The following FILIP1L variants were observed in gnomAD, a reference collection of about 807,000 sequenced individuals.
FILIP1L encodes the protein filamin A-interacting protein 1-like.
In FILIP1L, 55 loss-of-function variants were observed where a neutral mutation model predicts 96.6. That is an observed-to-expected ratio of 0.57 (90% CI 0.46 to 0.71). FILIP1L has a LOEUF of 0.71. Ranked by LOEUF, FILIP1L falls within the 30% of genes least tolerant of loss-of-function variation. The pLI is 0.00. For missense variants in FILIP1L, 1,304 were observed against 1,321.2 expected (o/e 0.99, Z 0.20); for synonymous variants, 467 against 473.9 (o/e 0.99, Z 0.19).
In FILIP1L at chr3:99,850,405, A is replaced by G. The variant is rs760419965; in HGVS notation, c.1271T>C (p.Ile424Thr). Residue 424 changes from isoleucine to threonine, a missense_variant, in exon 5 of 6, where the codon ATT becomes ACT. By Grantham distance (89) the Ile-to-Thr change is moderately conservative. Transcript: ENST00000477258. ...GTCTTCTAACTTTTCCAGAGCCATA[A>G]TTCTTTTACTGAGTTTTTCAACCTC... is the stretch of plus-strand genomic sequence containing the variant. ...KLEVEKLSKR[I>T]MALEKLEDAF... is the part of the protein sequence containing the mutation. 1.2e-6 allele frequency: 2 copies of G among 1,613,796 alleles called. No homozygotes were observed. The highest frequency in any genetic ancestry group is 2.2e-5 in the South Asian group (2 of 91,002).
chr3:100,101,769 G>T (rs190077347), intron 1 of FILIP1L, among the ~76,000 whole-genome samples: 1 of 151,548 alleles, frequency 6.6e-6, no homozygotes, highest in Non-Finnish European at 1.5e-5. Context: ...ATCCCTCCCC[G>T]CTCCCCTCAC....
intron 1 of FILIP1L, among the ~76,000 whole-genome samples, chr3:99,994,672 A>G (rs1321054345): frequency 6.6e-6 from 1 of 152,186 alleles, no homozygotes; most frequent in Non-Finnish European, 1.5e-5. Context: ...GCTGATAAAG[A>G]CATACCTGAG....
chr3:100,042,354 C>T (rs1305112830), intron 1 of FILIP1L, among the ~76,000 whole-genome samples: 1 of 152,124 alleles, frequency 6.6e-6, no homozygotes, highest in Admixed American at 6.5e-5. Context: ...AACATTGGCT[C>T]TGTGACCAGC....
At chr3:99,843,547 G>A (rs1244771490) in intron 5 of FILIP1L, among the ~76,000 whole-genome samples, 1 of 151,962 alleles carries the variant, frequency 6.6e-6, no homozygotes, top group Non-Finnish European at 1.5e-5. Flanking sequence ...CTTATGATGG[G>A]GTTAGAACCA....
intron 3 of FILIP1L, among the ~76,000 whole-genome samples, chr3:99,927,462 T>A (rs1355448333): frequency 6.6e-6 from 1 of 151,430 alleles, no homozygotes; most frequent in African/African-American, 2.4e-5. Flanking sequence ...CTCCGCCTCC[T>A]GGGTTCAAGC....
rs779321908 is a variant in FILIP1L, at chr3:99,850,170, A to G, written c.1506T>C (p.Asp502=). ...KLKTLTVMFV[D]ERKTMSEKLK... Reference sequence around the variant, plus strand: ...ATTTTTCACTCATTGTTTTCCGTTCATCTACAAACATCACAGTTAATGTTT... The same window carrying G: ...ATTTTTCACTCATTGTTTTCCGTTCGTCTACAAACATCACAGTTAATGTTT... Residue 502 remains aspartate (D), a synonymous_variant, in exon 5 of 6, where the codon GAT becomes GAC. Transcript: ENST00000477258. 1 of 1,610,836 alleles carries G rather than the reference A, an allele frequency of 6.2e-7. No homozygotes were observed. The highest frequency in any genetic ancestry group is 2.2e-5 in the East Asian group (1 of 44,854).
intron 1 of FILIP1L, among the ~76,000 whole-genome samples, chr3:100,066,677 G>A (rs1329456885): frequency 5.4e-5 from 7 of 130,756 alleles, no homozygotes; most frequent in East Asian, 2.1e-4. Flanking sequence ...GACTACAGGC[G>A]CCCGCCACTA....
At chr3:99,998,965 A>G (rs1460273496) in intron 1 of FILIP1L, among the ~76,000 whole-genome samples, 3 of 152,206 alleles carry the variant, frequency 2.0e-5, no homozygotes, top group Admixed American at 6.5e-5. Context: ...ACACCCAGAG[A>G]AAACCTCCAC....
At chr3:99,868,026 T>C (rs1035372306) in intron 4 of FILIP1L, among the ~76,000 whole-genome samples, 1 of 152,222 alleles carries the variant, frequency 6.6e-6, no homozygotes, top group African/African-American at 2.4e-5. Context: ...TAGGATCTGA[T>C]ATAAGCCATT....
At chr3:99,836,557 C>G (rs186872444) in intron 5 of FILIP1L, among the ~76,000 whole-genome samples, 1 of 152,100 alleles carries the variant, frequency 6.6e-6, no homozygotes, top group Admixed American at 6.6e-5. Context: ...ACTCAACTGC[C>G]GCTCTTTTCT....
At chr3:100,008,490 T>A (rs1364089382) in intron 1 of FILIP1L, among the ~76,000 whole-genome samples, 3 of 152,192 alleles carry the variant, frequency 2.0e-5, no homozygotes, top group African/African-American at 7.2e-5. Context: ...TCTCCAGGAC[T>A]TCTAGAGATT....
At chr3:99,934,656 T>A (rs79281972) in intron 1 of FILIP1L, among the ~76,000 whole-genome samples, 12,011 of 152,272 alleles carry the variant, frequency 0.079, 553 homozygotes, top group Admixed American at 0.11. Flanking sequence ...AGTAGTGCCC[T>A]TTTAGCTTAA....
chr3:100,093,131 T>G (rs959433383), intron 1 of FILIP1L, among the ~76,000 whole-genome samples: 2 of 152,114 alleles, frequency 1.3e-5, no homozygotes, highest in Non-Finnish European at 2.9e-5. Context: ...ATTTTAAACA[T>G]ACTCTATGCA....
At chr3:100,007,580 T>C (rs1710023750) in intron 1 of FILIP1L, among the ~76,000 whole-genome samples, 1 of 152,174 alleles carries the variant, frequency 6.6e-6, no homozygotes, top group South Asian at 2.1e-4. Context: ...CTCTCAGTTA[T>C]GTGACTGAGG....
intron 1 of FILIP1L, among the ~76,000 whole-genome samples, chr3:100,007,950 T>C (rs554764091): frequency 6.6e-6 from 1 of 152,128 alleles, no homozygotes; most frequent in Non-Finnish European, 1.5e-5. Flanking sequence ...ACTCCTAATT[T>C]TCTTGCAAAT....
chr3:99,834,762 G>C (rs1285103005), intron 5 of FILIP1L, among the ~76,000 whole-genome samples: 136 of 152,178 alleles, frequency 8.9e-4, no homozygotes, highest in Non-Finnish European at 4.4e-5. Flanking sequence ...CAGCCTTTGG[G>C]TAGTATCTAG....
intron 1 of FILIP1L, among the ~76,000 whole-genome samples, chr3:99,990,647 T>C (rs1423592932): frequency 2.6e-5 from 4 of 152,088 alleles, no homozygotes; most frequent in Non-Finnish European, 5.9e-5. Flanking sequence ...AGAGATGATG[T>C]CCTGGCATCA....
chr3:100,094,759 C>T (rs965850998), intron 1 of FILIP1L, among the ~76,000 whole-genome samples: 1 of 144,610 alleles, frequency 6.9e-6, no homozygotes. Flanking sequence ...TCTCGGCTCA[C>T]GGCAAGCTCT....
intron 1 of FILIP1L, among the ~76,000 whole-genome samples, chr3:100,080,323 GA>G (rs36071813): frequency 0.18 from 27,610 of 150,978 alleles, 2,909 homozygotes; most frequent in South Asian, 0.25. Flanking sequence ...CTAAGAGGGG[GA>G]AAAAAAAATT....
Sources: allele counts gnomAD v4.1 joint callset (sites outside exome capture counted in the v4.1 genomes callset), GRCh38; gene constraint gnomAD v4.1.1; transcripts MANE v1.5; gene names NCBI Gene and HGNC (gene_info 2026-07-23, HGNC 2026-07-21).